The following UGGT1 variants were observed in gnomAD, a reference collection of about 807,000 sequenced individuals.
UGGT1 encodes UDP-glucose glycoprotein glucosyltransferase 1.
A neutral mutation model predicts 203.9 loss-of-function variants in UGGT1; 107 were observed. That is an observed-to-expected ratio of 0.52 (90% CI 0.45 to 0.62). The LOEUF is 0.62. Among genes scored for constraint, UGGT1 ranks in the 20% least tolerant of loss-of-function variants. The pLI is 0.00. For missense variants in UGGT1, 1,673 were observed against 1,867.2 expected, an observed-to-expected ratio of 0.90 and a Z score of 1.92; for synonymous variants, 628 against 653.5, an observed-to-expected ratio of 0.96 and a Z score of 0.59.
chr2:128,107,310 G>C (rs1373179441), intron 3 of UGGT1, among the ~76,000 whole-genome samples: 2 of 151,358 alleles, frequency 1.3e-5, no homozygotes, highest in Admixed American at 1.3e-4. Flanking sequence ...AAATAATTTG[G>C]TCCAACTTTT....
At chr2:128,151,619 A>G (rs969829083) in intron 18 of UGGT1, among the ~76,000 whole-genome samples, 4 of 152,204 alleles carry the variant, frequency 2.6e-5, no homozygotes, top group African/African-American at 7.2e-5. Context: ...TATCTTGAAA[A>G]TGACTTCAGG....
At chr2:128,106,824 A>G (rs1457816611) in intron 3 of UGGT1, among the ~76,000 whole-genome samples, 3 of 152,146 alleles carry the variant, frequency 2.0e-5, no homozygotes, top group Non-Finnish European at 4.4e-5. Flanking sequence ...TGCTGGGATT[A>G]CAGGCATGAG....
chr2:128,129,723 G>T (rs892429315), intron 13 of UGGT1, among the ~76,000 whole-genome samples: 4 of 152,032 alleles, frequency 2.6e-5, no homozygotes, highest in African/African-American at 7.2e-5. Context: ...TTTCACTTGA[G>T]CATGCCCCTG....
intron 25 of UGGT1, among the ~76,000 whole-genome samples, chr2:128,162,818 A>G (rs1690592509): frequency 6.6e-6 from 1 of 152,178 alleles, no homozygotes; most frequent in East Asian, 1.9e-4. Flanking sequence ...GACTGTGCCT[A>G]GAAGACTTGC....
At position 128,192,670 on chromosome 2, in the gene UGGT1, G is replaced by A. The variant is rs1056163589; in HGVS notation, c.*2928G>A. On this transcript the variant is annotated 3_prime_UTR_variant, in exon 41 of 41. Transcript: ENST00000259253. ...AAGCCTGTCACAGCCTGCTGCTGGGGGTGTGGGGATATGCCAGAGTCCTGT... is the reference window on the plus strand; with the variant it reads ...AAGCCTGTCACAGCCTGCTGCTGGGAGTGTGGGGATATGCCAGAGTCCTGT... 1 of 152,172 alleles carries A rather than the reference G, an allele frequency of 6.6e-6. No individual in the cohort carries two copies. 9.4% of individuals were successfully genotyped at this position (152,172 alleles called of 1,614,324 possible).
At position 128,113,212 on chromosome 2, in the gene UGGT1, A is replaced by C; in HGVS notation, c.650A>C (p.Lys217Thr). 1 of 1,612,862 alleles carries C rather than the reference A, an allele frequency of 6.2e-7. No individual in the cohort carries two copies. Residue 217 changes from lysine to threonine, a missense_variant, in exon 6 of 41, where the codon AAA becomes ACA. Coordinates refer to ENST00000259253, the MANE Select transcript of UGGT1 (RefSeq NM_020120.4). ...FSNFHRQLISKSNAGKINYVF... is the reference protein window; with the variant it reads ...FSNFHRQLISTSNAGKINYVF... ...AATTTTCACCGCCAGCTTATATCAA[A>C]AAGCAATGCAGGCAAAATCAATTAT...
chr2:128,175,259 C>T (rs1329665253), intron 31 of UGGT1, among the ~76,000 whole-genome samples: 1 of 152,194 alleles, frequency 6.6e-6, no homozygotes, highest in Non-Finnish European at 1.5e-5. Flanking sequence ...ATGCACAGTA[C>T]ATGGAAGCTT....
intron 1 of UGGT1, among the ~76,000 whole-genome samples, chr2:128,097,119 G>A (rs1218596437): frequency 6.6e-6 from 1 of 152,232 alleles, no homozygotes; most frequent in African/African-American, 2.4e-5. Flanking sequence ...GCTCATGCCT[G>A]TAATCCCAAC....
At chr2:128,180,460 T>G (rs559652652) in intron 35 of UGGT1, among the ~76,000 whole-genome samples, 4 of 152,354 alleles carry the variant, frequency 2.6e-5, no homozygotes, top group Admixed American at 2.6e-4. Flanking sequence ...TCTGAAAGAC[T>G]TATTCAAAAA....
chr2:128,159,093 CTTTT>C (rs753907632), intron 22 of UGGT1, among the ~76,000 whole-genome samples: 1 of 110,466 alleles, frequency 9.1e-6, no homozygotes, highest in Non-Finnish European at 1.8e-5. Flanking sequence ...CTATCTGAGA[CTTTT>C]TTTTTTTTTT....
rs1001095045 is a variant in UGGT1 at position 128,190,329 on chromosome 2, T to C, written c.*587T>C. The C allele has an allele frequency of 6.6e-6, 1 of 152,238 alleles. No homozygotes were observed. Among genetic ancestry groups the C allele is most frequent in the Non-Finnish European group, 1.5e-5 (1 of 68,122 alleles). The allele number at this position is 152,238 out of a possible 1,614,324, so 9.4% of individuals were successfully genotyped here. A position where few individuals can be genotyped will look rare whatever the true frequency, so the allele number is the denominator to read the frequency against. ...GTGTGTCAAGGCTGGTTTGGTGCAG[T>C]GGCTGGGCAAATTAATTTTGGGCCA... On this transcript the variant is annotated 3_prime_UTR_variant, in exon 41 of 41. Transcript: ENST00000259253.
chr2:128,091,768 G>A (rs1204317678), intron 1 of UGGT1, among the ~76,000 whole-genome samples: 1 of 152,208 alleles, frequency 6.6e-6, no homozygotes, highest in Non-Finnish European at 1.5e-5. Flanking sequence ...GCAGGACCCT[G>A]ATTGCAGAAC....
intron 28 of UGGT1, 65 bp from the exon 29 acceptor site, chr2:128,172,508 G>C: frequency 6.5e-7 from 1 of 1,533,552 alleles, no homozygotes; most frequent in Non-Finnish European, 9.0e-7. Flanking sequence ...ACCTGTGTAA[G>C]GGCTGTGCAC....
At chr2:128,116,685 C>T (rs553809983) in intron 8 of UGGT1, among the ~76,000 whole-genome samples, 7 of 152,170 alleles carry the variant, frequency 4.6e-5, no homozygotes, top group Non-Finnish European at 7.4e-5. Context: ...CCACCACACC[C>T]GGCTAATTTT....
rs572713543 is a variant in UGGT1 at position 128,160,508 on chromosome 2, G to C, written c.2611G>C (p.Asp871His). 1 of 1,612,494 alleles carries C rather than the reference G, an allele frequency of 6.2e-7. No homozygotes were observed. The highest frequency in any genetic ancestry group is 8.5e-7 in the Non-Finnish European group (1 of 1,179,552). Residue 871 changes from aspartate (D) to histidine (H), a missense_variant, in exon 24 of 41, where the codon GAT becomes CAT. Physicochemically the swap from Asp to His is moderately conservative, Grantham distance 81. Around this residue, in one of 4 missense-constraint regions of UGGT1, gnomAD observed 1,073 missense variants for 1,078.7 expected, o/e 0.99. Transcript: ENST00000259253. ...FKEVFESSKM[D>H]FILSHAVYCR... ...AGAGGTCTTTGAGTCTTCCAAAATG[G>C]ATTTCATTTTGTCTCATGCCGTGTA...
At chr2:128,184,738 A>G (rs1691884220) in intron 38 of UGGT1, among the ~76,000 whole-genome samples, 1 of 151,218 alleles carries the variant, frequency 6.6e-6, no homozygotes, top group Non-Finnish European at 1.5e-5. Context: ...GTGCAGTGGC[A>G]TGCTCTGGGT....
In UGGT1 at chr2:128,115,199, A is replaced by G; in HGVS notation, c.772A>G (p.Lys258Glu). The G allele has an allele frequency of 6.2e-7, 1 of 1,613,974 alleles. No homozygotes were observed. Among genetic ancestry groups the G allele is most frequent in the Non-Finnish European group, 8.5e-7 (1 of 1,179,886 alleles). Residue 258 changes from lysine (K) to glutamate (E), a missense_variant, in exon 7 of 41, where the codon AAG (lysine) becomes GAG (glutamate). Around this residue, in one of 4 missense-constraint regions of UGGT1, gnomAD observed 1,073 missense variants for 1,078.7 expected, o/e 0.99. Coordinates refer to ENST00000259253, the MANE Select transcript of UGGT1 (RefSeq NM_020120.4). ...CATTAAGAGCACTGAGTACAAGGCC[A>G]AGGATGATACTCAGGTGAAAGGTGA... ...LAIKSTEYKA[K>E]DDTQVKGTEV...
At chr2:128,111,153 G>C (rs1687827592) in intron 5 of UGGT1, among the ~76,000 whole-genome samples, 1 of 152,210 alleles carries the variant, frequency 6.6e-6, no homozygotes, top group Admixed American at 6.5e-5. Flanking sequence ...AGGAATTCCA[G>C]ACCAACCGGT....
At chr2:128,185,802 A>T (rs983615354) in intron 38 of UGGT1, among the ~76,000 whole-genome samples, 1 of 152,140 alleles carries the variant, frequency 6.6e-6, no homozygotes, top group Non-Finnish European at 1.5e-5. Context: ...TTGTACCATC[A>T]TGGAACATTC....
Sources: allele counts gnomAD v4.1 joint callset (sites outside exome capture counted in the v4.1 genomes callset), GRCh38; gene constraint gnomAD v4.1.1; regional missense constraint gnomAD v4.1.1; transcripts MANE v1.5; gene names NCBI Gene and HGNC (gene_info 2026-07-23, HGNC 2026-07-21).